The following XKR6 variants were observed in gnomAD, a reference collection of about 807,000 sequenced individuals.
The protein encoded by XKR6 is XK related 6.
In XKR6, 22 loss-of-function variants were observed where a neutral mutation model predicts 56.7. The ratio of observed to expected loss-of-function variants is 0.39; its 90% CI spans 0.28 to 0.55. The LOEUF (loss-of-function observed/expected upper bound fraction) is 0.55, where lower values mean the gene tolerates loss of function less well. Ranked by LOEUF, XKR6 falls within the 20% of genes least tolerant of loss-of-function variation. The pLI is 0.66. For missense variants in XKR6, 852 were observed against 889.0 expected (o/e 0.96, Z 0.53); for synonymous variants, 524 against 387.8 (o/e 1.35, Z -4.13).
intron 2 of XKR6, among the ~76,000 whole-genome samples, chr8:10,912,466 T>G (rs12677752): frequency 0.49 from 47,911 of 97,842 alleles, 10,854 homozygotes; most frequent in East Asian, 0.8. Context: ...TATATATATA[T>G]AGAGAGAGAG....
chr8:11,008,284 G>A (rs553017786), intron 1 of XKR6, among the ~76,000 whole-genome samples: 27 of 152,224 alleles, frequency 1.8e-4, no homozygotes, highest in African/African-American at 6.5e-4. Context: ...AAGGCCCAAG[G>A]GTGGCCTGAG....
intron 1 of XKR6, among the ~76,000 whole-genome samples, chr8:11,007,819 C>T (rs971653317): frequency 1.3e-5 from 2 of 152,122 alleles, no homozygotes; most frequent in Admixed American, 6.5e-5. Context: ...TCCCCTTCTC[C>T]TCTCTGGGCT....
intron 1 of XKR6, among the ~76,000 whole-genome samples, chr8:11,184,590 T>C (rs1585030925): frequency 6.6e-6 from 1 of 152,192 alleles, no homozygotes; most frequent in East Asian, 1.9e-4. Context: ...TGGTTTTCTA[T>C]AAGAACTTAC....
At chr8:11,151,489 G>GT (rs1801265278) in intron 1 of XKR6, among the ~76,000 whole-genome samples, 1 of 152,062 alleles carries the variant, frequency 6.6e-6, no homozygotes, top group African/African-American at 2.4e-5. Flanking sequence ...TTTAATCTTG[G>GT]TTCATGCTCA....
chr8:11,100,676 C>G (rs1798435246), intron 1 of XKR6, among the ~76,000 whole-genome samples: 1 of 152,188 alleles, frequency 6.6e-6, no homozygotes, highest in South Asian at 2.1e-4. Context: ...CAGAATTTTG[C>G]TGTATGATTC....
At chr8:11,072,319 G>A (rs908422154) in intron 1 of XKR6, among the ~76,000 whole-genome samples, 9 of 151,320 alleles carry the variant, frequency 5.9e-5, no homozygotes, top group Admixed American at 3.3e-4. Flanking sequence ...AGGCAGCAGG[G>A]CTCCACCCCC....
chr8:11,153,660 T>C (rs999613019), intron 1 of XKR6, among the ~76,000 whole-genome samples: 1 of 152,188 alleles, frequency 6.6e-6, no homozygotes, highest in East Asian at 1.9e-4. Context: ...TTCCTCTTAA[T>C]TGGTGGTAGC....
At chr8:10,969,826 C>A (rs139737932) in intron 1 of XKR6, among the ~76,000 whole-genome samples, 2 of 152,236 alleles carry the variant, frequency 1.3e-5, no homozygotes, top group African/African-American at 4.8e-5. Flanking sequence ...TCCTGCCAAG[C>A]CTGACGCTCA....
At chr8:10,941,553 A>G (rs1159228179) in intron 1 of XKR6, among the ~76,000 whole-genome samples, 1 of 152,180 alleles carries the variant, frequency 6.6e-6, no homozygotes, top group African/African-American at 2.4e-5. Flanking sequence ...GCAGTCTCTG[A>G]GCCTGATTTT....
chr8:11,033,690 G>T (rs1009391666), intron 1 of XKR6, among the ~76,000 whole-genome samples: 1 of 151,994 alleles, frequency 6.6e-6, no homozygotes, highest in Non-Finnish European at 1.5e-5. Context: ...CCCCAAAGTC[G>T]ACCTGAAACA....
At chr8:11,063,039 T>C in intron 1 of XKR6, 1 of 357,246 alleles carries the variant, frequency 2.8e-6, no homozygotes, top group Non-Finnish European at 5.5e-6. Context: ...AATTGGCATT[T>C]GGACTCCTAT....
At chr8:11,137,617 A>T in intron 1 of XKR6, 1 of 456,188 alleles carries the variant, frequency 2.2e-6, no homozygotes, top group South Asian at 1.5e-5. Context: ...CACCAAATGA[A>T]CTCAGGAGAC....
At chr8:11,170,666 C>T (rs368377195) in intron 1 of XKR6, among the ~76,000 whole-genome samples, 5 of 152,180 alleles carry the variant, frequency 3.3e-5, no homozygotes, top group African/African-American at 7.2e-5. Flanking sequence ...AAAAAACAAT[C>T]GCACAATCTA....
intron 1 of XKR6, among the ~76,000 whole-genome samples, chr8:11,184,502 T>C (rs1170516371): frequency 6.6e-6 from 1 of 152,048 alleles, no homozygotes; most frequent in Non-Finnish European, 1.5e-5. Flanking sequence ...TGGAACTAAC[T>C]GAACAGGTAT....
At chr8:11,190,964 T>C (rs1803540361) in intron 1 of XKR6, among the ~76,000 whole-genome samples, 1 of 152,182 alleles carries the variant, frequency 6.6e-6, no homozygotes, top group African/African-American at 2.4e-5. Flanking sequence ...TCCTCCACTC[T>C]CCTTGGATTT....
intron 1 of XKR6, among the ~76,000 whole-genome samples, chr8:11,057,479 TG>T (rs574337656): frequency 5.5e-4 from 84 of 152,362 alleles, no homozygotes; most frequent in African/African-American, 2.0e-3. Context: ...CCCAGTGTTC[TG>T]CCCTTGTCAA....
Position 11,201,414 on chromosome 8 carries a change from G to A in XKR6, c.-75C>T, listed in dbSNP as rs1274826452. 9 of 404,744 alleles carry A rather than the reference G, an allele frequency of 2.2e-5. No homozygotes were observed. Among genetic ancestry groups the A allele is most frequent in the African/African-American group, 2.1e-4 (9 of 43,450 alleles). 25.1% of individuals were successfully genotyped at this position (404,744 alleles called of 1,614,324 possible). A position where few individuals can be genotyped will look rare whatever the true frequency, so the allele number is the denominator to read the frequency against. ...GGGGGGGAAGAAGGCAGGGAACGGG[G>A]AGGGGGGGAAACGAATGGAGAGGAA... On this transcript the variant is annotated 5_prime_UTR_variant, in exon 1 of 3. Coordinates refer to ENST00000416569, the MANE Select transcript of XKR6 (RefSeq NM_173683.4).
chr8:10,901,897 G>A (rs989558256), intron 2 of XKR6, among the ~76,000 whole-genome samples: 1 of 152,204 alleles, frequency 6.6e-6, no homozygotes, highest in Non-Finnish European at 1.5e-5. Context: ...CATTGGCCCC[G>A]TTCACACCAA....
In XKR6 at chr8:11,143,376, A is replaced by G. The variant is rs562054518; in HGVS notation, c.764+57200T>C. Among the ~76,000 whole-genome samples, 13 of 152,298 alleles carry G rather than the reference A, an allele frequency of 8.5e-5. No individual in the cohort carries two copies. The South Asian group carries it at 2.5e-3, about 29-fold the overall frequency. On this transcript the variant is annotated intron_variant, in intron 1 of 2. Coordinates refer to ENST00000416569, the MANE Select transcript of XKR6 (RefSeq NM_173683.4). ...ACAAAAAAGAAAAACACACTACAAC[A>G]TATAATTGTGCTGAAGGGATTAAAT...
Sources: gnomAD v4.1 joint callset for allele counts (sites outside exome capture counted in the v4.1 genomes callset) on GRCh38, gnomAD v4.1.1 for gene constraint, MANE v1.5 for transcripts, NCBI Gene and HGNC (gene_info 2026-07-23, HGNC 2026-07-21) for gene names.